BCAS3: variants seen among roughly 807,000 people sequenced by gnomAD.
BCAS3 encodes BCAS4/BCAS3 fusion.
A neutral mutation model predicts 116.1 loss-of-function variants in BCAS3; 53 were observed. The ratio of observed to expected loss-of-function variants is 0.46; its 90% CI spans 0.37 to 0.57. The LOEUF (loss-of-function observed/expected upper bound fraction) is 0.57, where lower values mean the gene tolerates loss of function less well. Among genes scored for constraint, BCAS3 ranks in the 20% least tolerant of loss-of-function variants. The pLI is 0.00. For missense variants in BCAS3, 917 were observed against 1,165.4 expected, an observed-to-expected ratio of 0.79 and a Z score of 3.10; for synonymous variants, 391 against 408.2, an observed-to-expected ratio of 0.96 and a Z score of 0.51.
At position 61,286,228 on chromosome 17, in the gene BCAS3, G is replaced by T. The variant is rs2051761897; in HGVS notation, c.2426-82099G>T. Among the ~76,000 whole-genome samples, 1 of 152,208 alleles carries T rather than the reference G, an allele frequency of 6.6e-6. No individual in the cohort carries two copies. Among genetic ancestry groups the T allele is most frequent in the South Asian group, 2.1e-4 (1 of 4,830 alleles). Reference sequence around the variant, plus strand: ...ATCCCTTGGGGAGCCTGCAGGGCGGGGTGCGGAGGGTCTGCGGGGGTGGGG... The same window carrying T: ...ATCCCTTGGGGAGCCTGCAGGGCGGTGTGCGGAGGGTCTGCGGGGGTGGGG... On this transcript the variant is annotated intron_variant, in intron 22 of 23. Transcript: ENST00000407086. The surrounding 1 kb of genome is among the most constrained non-coding windows in gnomAD (Gnocchi z 4.8).
At chr17:61,038,272 T>C (rs542459148) in intron 18 of BCAS3, among the ~76,000 whole-genome samples, 4 of 151,030 alleles carry the variant, frequency 2.6e-5, no homozygotes, top group South Asian at 4.2e-4. Flanking sequence ...TTACAGTTTC[T>C]AGAATTTTTT....
chr17:61,225,950 A>G (rs1342758429), intron 22 of BCAS3, among the ~76,000 whole-genome samples: 1 of 152,202 alleles, frequency 6.6e-6, no homozygotes, highest in Admixed American at 6.5e-5. Flanking sequence ...TGGAAACAAT[A>G]CTGTTTTCCG....
chr17:61,388,227 T>C lies in BCAS3; in HGVS notation c.2594-3750T>C. On this transcript the variant is annotated intron_variant, in intron 23 of 23. Transcript: ENST00000407086. This position sits in a 1 kb window ranked among gnomAD's most constrained non-coding sequence, Gnocchi z 6.5. The stretch of plus-strand genomic sequence containing the variant: ...GAGTCAGAAGGTCCAAGGGCATCCC[T>C]GAAAACTGCAGTCTGTTTCCCTGTC... 5.3e-6 allele frequency: 1 copy of C among 189,150 alleles called. No individual in the cohort carries two copies. Among genetic ancestry groups the C allele is most frequent in the South Asian group, 1.1e-4 (1 of 9,354 alleles). 11.7% of individuals were successfully genotyped at this position (189,150 alleles called of 1,614,324 possible).
At chr17:60,678,966 A>G (rs866722952) in intron 1 of BCAS3, among the ~76,000 whole-genome samples, 4 of 152,306 alleles carry the variant, frequency 2.6e-5, no homozygotes, top group South Asian at 2.1e-4. Flanking sequence ...GCTCAAGCCT[A>G]TAATCCCAGC....
rs1032694045 is a variant in BCAS3, at chr17:61,374,510, G to A, written c.2593+6016G>A. Among the ~76,000 whole-genome samples, 22 of 152,306 alleles carry A rather than the reference G, an allele frequency of 1.4e-4. 1 individual carries two copies. The highest frequency in any genetic ancestry group is 5.1e-4 in the African/African-American group (21 of 41,572). ...AAGTGCTCACAGAGTCAGCTCTCAGGGTCCGGGAGACTGTCTGTTCCCCGT... is the reference window on the plus strand; with the variant it reads ...AAGTGCTCACAGAGTCAGCTCTCAGAGTCCGGGAGACTGTCTGTTCCCCGT... On this transcript the variant is annotated intron_variant, in intron 23 of 23. Coordinates refer to ENST00000407086, the MANE Select transcript of BCAS3 (RefSeq NM_017679.5).
chr17:61,246,767 A>G (rs1471946760), intron 22 of BCAS3, among the ~76,000 whole-genome samples: 1 of 150,514 alleles, frequency 6.6e-6, no homozygotes, highest in Non-Finnish European at 1.5e-5. Context: ...TAAAATGAAT[A>G]TGGGTAGTTT....
intron 21 of BCAS3, among the ~76,000 whole-genome samples, chr17:61,081,618 A>G (rs1167470869): frequency 6.6e-6 from 1 of 152,212 alleles, no homozygotes; most frequent in Non-Finnish European, 1.5e-5. Flanking sequence ...TTATATTTTA[A>G]ACTTTCAGCA....
At chr17:60,795,282 T>C (rs1405427089) in intron 6 of BCAS3, among the ~76,000 whole-genome samples, 4 of 152,238 alleles carry the variant, frequency 2.6e-5, no homozygotes, top group African/African-American at 9.6e-5. Context: ...CCGGAAACTT[T>C]GCTGAATTCT....
intron 19 of BCAS3, among the ~76,000 whole-genome samples, chr17:61,046,093 T>C (rs1472684529): frequency 1.9e-5 from 1 of 51,494 alleles, no homozygotes. Context: ...TATATATATA[T>C]ATAATATATA....
At position 61,077,599 on chromosome 17, in the gene BCAS3, C is replaced by T. The variant is rs1424295074; in HGVS notation, c.2131-734C>T. On this transcript the variant is annotated intron_variant, in intron 20 of 23. Transcript: ENST00000407086. This position sits in a 1 kb window ranked among gnomAD's most constrained non-coding sequence, Gnocchi z 4.3. ...CCCATTGAGCGTGAAATTCATAAAGCATTTTGGTATTACTGTTTTGTAGCA... is the reference window on the plus strand; with the variant it reads ...CCCATTGAGCGTGAAATTCATAAAGTATTTTGGTATTACTGTTTTGTAGCA... 1.3e-5 allele frequency among the ~76,000 whole-genome samples: 2 copies of T among 152,098 alleles called. No individual in the cohort carries two copies. The highest frequency in any genetic ancestry group is 4.8e-5 in the African/African-American group (2 of 41,420).
intron 7 of BCAS3, among the ~76,000 whole-genome samples, chr17:60,841,905 T>C (rs2051971501): frequency 6.6e-6 from 1 of 152,028 alleles, no homozygotes; most frequent in South Asian, 2.1e-4. Context: ...GAGTCTCTAG[T>C]GATGGTGTTT....
chr17:60,824,221 C>T (rs2050191637), intron 7 of BCAS3, among the ~76,000 whole-genome samples: 1 of 152,106 alleles, frequency 6.6e-6, no homozygotes, highest in Admixed American at 6.5e-5. Context: ...ATTACAGTCA[C>T]TAAGTAGGCA....
intron 22 of BCAS3, among the ~76,000 whole-genome samples, chr17:61,342,499 G>A (rs1602870574): frequency 6.6e-6 from 1 of 152,194 alleles, no homozygotes. Flanking sequence ...GGCCCAGTGA[G>A]TGAGGCAGTG....
intron 22 of BCAS3, among the ~76,000 whole-genome samples, chr17:61,250,916 A>G (rs942869379): frequency 6.6e-6 from 1 of 152,172 alleles, no homozygotes; most frequent in African/African-American, 2.4e-5. Context: ...GAAAGGTTTT[A>G]TGACTTGTGG....
chr17:61,139,811 A>G lies in BCAS3; in HGVS notation c.2425+55247A>G, dbSNP rs2076826211. ...GATGGAGTTCTCTCAGAATGCAAAG[A>G]AAGGTAAAATTTGTTGTAATGGGTG... On this transcript the variant is annotated intron_variant, in intron 22 of 23. Transcript: ENST00000407086. This position sits in a 1 kb window ranked among gnomAD's most constrained non-coding sequence, Gnocchi z 4.7. Among the ~76,000 whole-genome samples, 1 of 152,196 alleles carries G rather than the reference A, an allele frequency of 6.6e-6. No individual in the cohort carries two copies. Among genetic ancestry groups the G allele is most frequent in the Admixed American group, 6.5e-5 (1 of 15,280 alleles).
chr17:61,091,818 C>T (rs1040049476), intron 22 of BCAS3, among the ~76,000 whole-genome samples: 1 of 152,176 alleles, frequency 6.6e-6, no homozygotes, highest in Admixed American at 6.5e-5. Context: ...CTAGTCTCAG[C>T]GGAGTCCCTT....
At chr17:61,295,719 G>A (rs901601581) in intron 22 of BCAS3, among the ~76,000 whole-genome samples, 2 of 151,898 alleles carry the variant, frequency 1.3e-5, no homozygotes, top group African/African-American at 4.8e-5. Context: ...TTGGGAGGCC[G>A]AGGCGGGTGG....
At chr17:61,329,774 A>G (rs1568866455) in intron 22 of BCAS3, among the ~76,000 whole-genome samples, 1 of 134,804 alleles carries the variant, frequency 7.4e-6, no homozygotes, top group African/African-American at 2.6e-5. Context: ...GTTCCATCCT[A>G]CGTTCGTCCT....
intron 5 of BCAS3, among the ~76,000 whole-genome samples, chr17:60,732,754 G>A (rs558515384): frequency 5.9e-5 from 9 of 152,216 alleles, no homozygotes; most frequent in Admixed American, 2.0e-4. Flanking sequence ...CAGGAGAATC[G>A]CTTGAACCTG....
Sources: gnomAD v4.1 joint callset for allele counts (sites outside exome capture counted in the v4.1 genomes callset) on GRCh38, gnomAD v4.1.1 for gene constraint, Gnocchi (gnomAD v3.1) non-coding constraint, MANE v1.5 for transcripts, NCBI Gene and HGNC (gene_info 2026-07-23, HGNC 2026-07-21) for gene names.